The following PARP8 variants were observed in gnomAD, a reference collection of about 807,000 sequenced individuals.
The protein encoded by PARP8 is poly(ADP-ribose) polymerase family member 8.
Under a neutral mutation model 124.1 loss-of-function variants are expected in PARP8, and 51 were observed. The observed-to-expected ratio is 0.41, with a 90% CI of 0.33 to 0.52. The LOEUF (loss-of-function observed/expected upper bound fraction) is 0.52. PARP8 is among the 20% of genes least tolerant of loss of function. PARP8 has a pLI of 0.21. For missense variants in PARP8, 860 were observed against 1,018.9 expected, an observed-to-expected ratio of 0.84 and a Z score of 2.12; for synonymous variants, 391 against 361.5, an observed-to-expected ratio of 1.08 and a Z score of -0.93.
In PARP8 at chr5:50,826,651, T is replaced by C. The variant is rs1021868014; in HGVS notation, c.1929-104T>C. The stretch of plus-strand genomic sequence containing the variant: ...TAAATGAAATTATTTCCAAGTTTAG[T>C]TTATGGCACAGCAAAAATAAGTTTT... On this transcript the variant is annotated intron_variant, in intron 18 of 25. Transcript: ENST00000281631. 9.4e-6 allele frequency: 13 copies of C among 1,387,180 alleles called. No homozygotes were observed. The African/African-American group carries it at 2.0e-4, about 21-fold the overall frequency. 85.9% of individuals were successfully genotyped at this position (1,387,180 alleles called of 1,614,324 possible). A position where few individuals can be genotyped will look rare whatever the true frequency, so the allele number is the denominator to read the frequency against.
intron 22 of PARP8, among the ~76,000 whole-genome samples, chr5:50,831,804 T>G (rs143235241): frequency 6.6e-6 from 1 of 152,164 alleles, no homozygotes; most frequent in Non-Finnish European, 1.5e-5. Flanking sequence ...ATGTGCTTTT[T>G]TTCTGGAGAG....
chr5:50,679,174 A>G (rs893754171), intron 2 of PARP8, among the ~76,000 whole-genome samples: 57 of 152,174 alleles, frequency 3.7e-4, no homozygotes, highest in East Asian at 1.9e-4. Flanking sequence ...AAAAGCAGCA[A>G]TAGTGTACAC....
chr5:50,792,571 G>A (rs1037046316), intron 10 of PARP8, among the ~76,000 whole-genome samples: 1 of 151,480 alleles, frequency 6.6e-6, no homozygotes, highest in African/African-American at 2.4e-5. Context: ...AATTTTTTAT[G>A]GGAAGAAAAT....
chr5:50,821,857 A>G (rs1221894026), intron 16 of PARP8, among the ~76,000 whole-genome samples: 1 of 152,260 alleles, frequency 6.6e-6, no homozygotes, highest in South Asian at 2.1e-4. Flanking sequence ...AACAGCGCAC[A>G]TATTTAGATC....
intron 2 of PARP8, among the ~76,000 whole-genome samples, chr5:50,724,190 T>C (rs997811086): frequency 6.6e-6 from 1 of 152,130 alleles, no homozygotes; most frequent in African/African-American, 2.4e-5. Flanking sequence ...AATACGATTG[T>C]CTGTTTATAT....
Position 50,829,966 on chromosome 5 carries a change from T to C in PARP8, c.2233+5T>C. 1 of 1,603,378 alleles carries C rather than the reference T, an allele frequency of 6.2e-7. No individual in the cohort carries two copies. The highest frequency in any genetic ancestry group is 8.5e-7 in the Non-Finnish European group (1 of 1,174,190). On this transcript the variant is annotated splice_donor_5th_base_variant and intron_variant, in intron 22 of 25. Coordinates refer to ENST00000281631, the MANE Select transcript of PARP8 (RefSeq NM_024615.4). ...GCATATCATTTGGTTACTCAGGTAA[T>C]TCCTGTATTTCATTTCTAAAGTCAC...
intron 3 of PARP8, among the ~76,000 whole-genome samples, chr5:50,754,268 G>A (rs1254389928): frequency 2.0e-5 from 3 of 150,062 alleles, no homozygotes; most frequent in African/African-American, 7.4e-5. Flanking sequence ...GTGCCATGTT[G>A]GTGTGCTGCA....
intron 2 of PARP8, among the ~76,000 whole-genome samples, chr5:50,724,311 C>A (rs1271212733): frequency 5.9e-5 from 9 of 151,958 alleles, no homozygotes; most frequent in Admixed American, 5.9e-4. Flanking sequence ...ATTAAGCATG[C>A]AAATTGCTAA....
chr5:50,773,720 T>C (rs1761863091), intron 7 of PARP8, among the ~76,000 whole-genome samples: 1 of 152,224 alleles, frequency 6.6e-6, no homozygotes, highest in African/African-American at 2.4e-5. Flanking sequence ...AGGGGTTGCA[T>C]TGAATCTGTA....
chr5:50,780,435 A>T (rs1740542094), intron 9 of PARP8, among the ~76,000 whole-genome samples: 1 of 152,188 alleles, frequency 6.6e-6, no homozygotes, highest in African/African-American at 2.4e-5. Context: ...CCATCTGTAT[A>T]AGATGATACT....
intron 15 of PARP8, among the ~76,000 whole-genome samples, chr5:50,820,537 G>A (rs1409440057): frequency 1.3e-5 from 2 of 152,190 alleles, no homozygotes; most frequent in Non-Finnish European, 2.9e-5. Context: ...CAGGAATAAA[G>A]CCATTGTCTT....
chr5:50,828,196 A>G, intron 20 of PARP8, 116 bp from the exon 21 acceptor site: 2 of 1,178,780 alleles, frequency 1.7e-6, no homozygotes, highest in Non-Finnish European at 2.5e-6. Flanking sequence ...CAACTACATA[A>G]TACTTGATTT....
At chr5:50,776,858 A>G (rs1481859653) in intron 7 of PARP8, among the ~76,000 whole-genome samples, 1 of 152,206 alleles carries the variant, frequency 6.6e-6, no homozygotes, top group Non-Finnish European at 1.5e-5. Flanking sequence ...GTACTTAACT[A>G]TATGCCAGAT....
intron 2 of PARP8, among the ~76,000 whole-genome samples, chr5:50,708,249 C>T (rs928224056): frequency 1.3e-5 from 2 of 152,054 alleles, no homozygotes; most frequent in African/African-American, 2.4e-5. Flanking sequence ...TCCCAGAGCT[C>T]TCCTTTTTTC....
intron 9 of PARP8, among the ~76,000 whole-genome samples, chr5:50,779,124 T>C (rs575314677): frequency 5.3e-5 from 8 of 152,196 alleles, no homozygotes; most frequent in African/African-American, 1.9e-4. Context: ...AAGGACCCTA[T>C]CATAAGTCTT....
intron 2 of PARP8, among the ~76,000 whole-genome samples, chr5:50,682,513 T>C (rs1751404220): frequency 6.6e-6 from 1 of 152,132 alleles, no homozygotes. Flanking sequence ...AACTACCTTG[T>C]TACTGCAGAA....
chr5:50,668,869 G>A (rs1169888385), intron 2 of PARP8: 1 of 152,238 alleles, frequency 6.6e-6, no homozygotes, highest in Non-Finnish European at 1.5e-5. Flanking sequence ...GTTTAAAAGA[G>A]CAGTAGCCAC....
At chr5:50,810,886 T>TA (rs1455987491) in intron 14 of PARP8, among the ~76,000 whole-genome samples, 5 of 152,092 alleles carry the variant, frequency 3.3e-5, no homozygotes, top group Admixed American at 6.6e-5. Context: ...GTATATAAAT[T>TA]AATCACATTA....
chr5:50,685,404 G>A (rs1245392782), intron 2 of PARP8, among the ~76,000 whole-genome samples: 10 of 152,088 alleles, frequency 6.6e-5, no homozygotes, highest in Non-Finnish European at 1.0e-4. Context: ...TGTTTCCCAC[G>A]GGATTGCAAG....
Sources: allele counts gnomAD v4.1 joint callset (sites outside exome capture counted in the v4.1 genomes callset), GRCh38; gene constraint gnomAD v4.1.1; transcripts MANE v1.5; gene names NCBI Gene and HGNC (gene_info 2026-07-23, HGNC 2026-07-21).